The following SYNPR variants were observed in gnomAD, a reference collection of about 807,000 sequenced individuals.
The protein encoded by SYNPR is synaptoporin.
In SYNPR, 23 loss-of-function variants were observed where a neutral mutation model predicts 32.9. That is an observed-to-expected ratio of 0.70 (90% CI 0.50 to 0.99). The LOEUF is 0.99. SYNPR is among the 50% of genes least tolerant of loss of function. The probability of loss-of-function intolerance (pLI) is 0.00; values close to 1 mark genes in which losing one functional copy is unlikely to be tolerated. For synonymous variants in SYNPR, 146 were observed against 135.9 expected (o/e 1.07, Z -0.52); for missense variants, 318 against 349.3 (o/e 0.91, Z 0.71).
At chr3:63,431,338 G>T (rs548232256) in intron 2 of SYNPR, among the ~76,000 whole-genome samples, 1 of 152,134 alleles carries the variant, frequency 6.6e-6, no homozygotes, top group Non-Finnish European at 1.5e-5. Flanking sequence ...AATCAAGTGC[G>T]CAGGGTTTGA....
At chr3:63,599,875 G>A (rs992067764) in intron 4 of SYNPR, among the ~76,000 whole-genome samples, 10 of 152,112 alleles carry the variant, frequency 6.6e-5, no homozygotes, top group African/African-American at 2.2e-4. Context: ...TAATTTCTAA[G>A]ATAGCTATGT....
chr3:63,345,964 G>A (rs781340293), intron 2 of SYNPR, among the ~76,000 whole-genome samples: 2 of 151,926 alleles, frequency 1.3e-5, no homozygotes, highest in African/African-American at 2.4e-5. Context: ...ACAGGCATGC[G>A]CCACCATGTC....
chr3:63,514,227 C>T (rs1188668889), intron 3 of SYNPR, among the ~76,000 whole-genome samples: 1 of 152,148 alleles, frequency 6.6e-6, no homozygotes, highest in Admixed American at 6.6e-5. Context: ...TTGGGCCAGA[C>T]AGTTCATACT....
intron 3 of SYNPR, among the ~76,000 whole-genome samples, chr3:63,270,973 TCTTCCTTC>T (rs200592272): frequency 6.3e-5 from 1 of 15,924 alleles, no homozygotes; most frequent in Non-Finnish European, 2.7e-4. Flanking sequence ...TTCCTTCTTT[TCTTCCTTC>T]CTTCCTTCCT....
At position 63,588,878 on chromosome 3, in the gene SYNPR, G is replaced by C. The variant is rs532373946; in HGVS notation, c.409-20247G>C. On this transcript the variant is annotated intron_variant, in intron 4 of 5. Coordinates refer to ENST00000478300, the MANE Select transcript of SYNPR (RefSeq NM_001130003.2). ...CAAGCTTATCTTTCTAAGAGGGATA[G>C]GGTTGCAGGTGGGGAAGTATAGAGA... Among the ~76,000 whole-genome samples, 6 of 152,168 alleles carry C rather than the reference G, an allele frequency of 3.9e-5. No individual in the cohort carries two copies. In the East Asian group the frequency reaches 1.2e-3, roughly 29 times the overall value.
intron 2 of SYNPR, among the ~76,000 whole-genome samples, chr3:63,314,421 T>C (rs2106959145): frequency 6.6e-6 from 1 of 151,978 alleles, no homozygotes; most frequent in African/African-American, 2.4e-5. Flanking sequence ...CTTGCATGAG[T>C]AAGGTGGTAT....
intron 4 of SYNPR, among the ~76,000 whole-genome samples, chr3:63,585,082 G>A (rs916240091): frequency 1.3e-5 from 2 of 151,992 alleles, no homozygotes; most frequent in Non-Finnish European, 2.9e-5. Flanking sequence ...ACACACAGCA[G>A]CATTTACAAA....
intron 2 of SYNPR, among the ~76,000 whole-genome samples, chr3:63,319,705 A>C (rs1453042927): frequency 2.6e-5 from 4 of 152,076 alleles, no homozygotes; most frequent in Non-Finnish European, 4.4e-5. Flanking sequence ...TGCCTAAAAC[A>C]ATCTACAGAG....
chr3:63,417,838 G>A (rs2088562184), intron 2 of SYNPR, among the ~76,000 whole-genome samples: 1 of 152,206 alleles, frequency 6.6e-6, no homozygotes, highest in Admixed American at 6.5e-5. Flanking sequence ...CACAGCAGAG[G>A]GACCCAGGGC....
intron 4 of SYNPR, among the ~76,000 whole-genome samples, chr3:63,581,259 C>T (rs1167002980): frequency 7.9e-5 from 12 of 152,110 alleles, no homozygotes; most frequent in Non-Finnish European, 1.8e-4. Context: ...GGGAGCACTG[C>T]GTTGAGAACC....
chr3:63,250,888 A>G (rs2086325713), intron 1 of SYNPR, among the ~76,000 whole-genome samples: 1 of 152,142 alleles, frequency 6.6e-6, no homozygotes, highest in Non-Finnish European at 1.5e-5. Context: ...AATGTTACTC[A>G]TTATAAGTAT....
chr3:63,262,131 A>G (rs886140006), intron 2 of SYNPR, among the ~76,000 whole-genome samples: 1 of 151,610 alleles, frequency 6.6e-6, no homozygotes, highest in Admixed American at 6.6e-5. Context: ...TTTTACAAGG[A>G]TGGTTACTCA....
At chr3:63,318,999 G>C (rs972799277) in intron 2 of SYNPR, among the ~76,000 whole-genome samples, 2 of 151,946 alleles carry the variant, frequency 1.3e-5, no homozygotes, top group Middle Eastern at 3.2e-3. Flanking sequence ...GGCTTCCTGT[G>C]AGCCAAACTG....
chr3:63,358,109 A>T (rs1277038250), intron 2 of SYNPR, among the ~76,000 whole-genome samples: 1 of 152,242 alleles, frequency 6.6e-6, no homozygotes, highest in Non-Finnish European at 1.5e-5. Flanking sequence ...TGGGTGTTAC[A>T]CATCTTGTTA....
chr3:63,277,238 T>C (rs552963298), upstream of SYNPR, among the ~76,000 whole-genome samples: 2 of 152,272 alleles, frequency 1.3e-5, no homozygotes, highest in East Asian at 3.9e-4. Context: ...ATCTCTAAAA[T>C]GGGAATAATA....
chr3:63,433,841 G>A lies in SYNPR; in HGVS notation c.85-46991G>A, dbSNP rs147815423. ...ATAGGGATGCAGAAACACCTCTGGC[G>A]TAAGACATACTCATCAAAAGAGAGA... On this transcript the variant is annotated intron_variant, in intron 2 of 5. Coordinates refer to ENST00000478300, the MANE Select transcript of SYNPR (RefSeq NM_001130003.2). Among the ~76,000 whole-genome samples, 1,130 of 152,284 alleles carry A rather than the reference G, an allele frequency of 7.4e-3. 7 individuals are homozygous for A. Among genetic ancestry groups the A allele is most frequent in the Non-Finnish European group, 8.9e-3 (607 of 68,028 alleles).
At chr3:63,558,000 T>A (rs1702622607) in intron 4 of SYNPR, among the ~76,000 whole-genome samples, 1 of 152,246 alleles carries the variant, frequency 6.6e-6, no homozygotes, top group Non-Finnish European at 1.5e-5. Context: ...TGAGTTAATG[T>A]CTTTCTTGAG....
At chr3:63,554,032 T>C (rs1702552423) in intron 3 of SYNPR, among the ~76,000 whole-genome samples, 1 of 152,222 alleles carries the variant, frequency 6.6e-6, no homozygotes, top group African/African-American at 2.4e-5. Context: ...CTATGTCTTT[T>C]TTTGAGAAGT....
chr3:63,543,082 T>G (rs186717778), intron 3 of SYNPR, among the ~76,000 whole-genome samples: 1 of 152,150 alleles, frequency 6.6e-6, no homozygotes, highest in Admixed American at 6.6e-5. Flanking sequence ...TACAAAAATA[T>G]GCAAATGCAC....
Sources: allele counts gnomAD v4.1 joint callset (sites outside exome capture counted in the v4.1 genomes callset), GRCh38; gene constraint gnomAD v4.1.1; transcripts MANE v1.5; gene names NCBI Gene and HGNC (gene_info 2026-07-23, HGNC 2026-07-21).